Variants in FAM110B observed in about 807,000 individuals in gnomAD.
FAM110B encodes family with sequence similarity 110 member B.
A neutral mutation model predicts 20.4 loss-of-function variants in FAM110B; 6 were observed. The ratio of observed to expected loss-of-function variants is 0.29; its 90% CI spans 0.16 to 0.58. The LOEUF is 0.58. Among genes scored for constraint, FAM110B ranks in the 20% least tolerant of loss-of-function variants. FAM110B has a pLI of 0.90. For synonymous variants in FAM110B, 226 were observed against 214.1 expected, an observed-to-expected ratio of 1.06 and a Z score of -0.49; for missense variants, 434 against 498.2, an observed-to-expected ratio of 0.87 and a Z score of 1.23.
intron 1 of FAM110B, among the ~76,000 whole-genome samples, chr8:58,030,238 T>TAA (rs1396742772): frequency 1.3e-5 from 2 of 152,194 alleles, no homozygotes; most frequent in African/African-American, 2.4e-5. Flanking sequence ...TTTCAGGTAT[T>TAA]AAAGCAATAA....
At chr8:58,041,476 C>T (rs1805219449) in intron 2 of FAM110B, among the ~76,000 whole-genome samples, 1 of 152,156 alleles carries the variant, frequency 6.6e-6, no homozygotes, top group Non-Finnish European at 1.5e-5. Context: ...ATATTTTAGC[C>T]AACATATCAG....
At position 58,148,747 on chromosome 8, in the gene FAM110B, A is replaced by AG. The variant is rs1451370477; in HGVS notation, c.*1405dup. 3 of 167,132 alleles carry AG rather than the reference A, an allele frequency of 1.8e-5. No individual in the cohort carries two copies. Among genetic ancestry groups the AG allele is most frequent in the African/African-American group, 7.2e-5 (3 of 41,464 alleles). The allele number at this position is 167,132 out of a possible 1,614,324, so 10.4% of individuals were successfully genotyped here. On this transcript the variant is annotated 3_prime_UTR_variant, in exon 4 of 4. Coordinates refer to ENST00000519262, the MANE Select transcript of FAM110B (RefSeq NM_001377989.1). ...TGTTATGAAATCTTTAAAGAAAAAA[A>AG]GAAAAAGTTACGCTAATAAATTGCT...
At chr8:58,085,545 GATTTA>G (rs1203043090) in intron 3 of FAM110B, among the ~76,000 whole-genome samples, 1 of 152,120 alleles carries the variant, frequency 6.6e-6, no homozygotes, top group African/African-American at 2.4e-5. Flanking sequence ...TACACTTCTA[GATTTA>G]ATTTAAGATT....
At chr8:58,088,043 T>TG (rs749145978) in intron 3 of FAM110B, among the ~76,000 whole-genome samples, 13 of 152,206 alleles carry the variant, frequency 8.5e-5, no homozygotes, top group Non-Finnish European at 1.8e-4. Context: ...ACCTGATACC[T>TG]GGTTCCCACT....
At chr8:57,996,794 A>G (rs1804192601) in intron 1 of FAM110B, among the ~76,000 whole-genome samples, 2 of 152,220 alleles carry the variant, frequency 1.3e-5, no homozygotes, top group African/African-American at 4.8e-5. Flanking sequence ...CACAGTGTTA[A>G]AAGATGATAA....
intron 3 of FAM110B, among the ~76,000 whole-genome samples, chr8:58,128,524 T>G (rs753780352): frequency 3.9e-5 from 6 of 152,170 alleles, no homozygotes; most frequent in Admixed American, 6.5e-5. Context: ...ATTATTTAAA[T>G]TGTCCAGCCA....
chr8:58,057,912 T>C (rs530512224), intron 2 of FAM110B, among the ~76,000 whole-genome samples: 1 of 152,372 alleles, frequency 6.6e-6, no homozygotes, highest in East Asian at 1.9e-4. Flanking sequence ...GTTACTTTGC[T>C]TCCTCCTGCA....
In FAM110B at chr8:58,127,426, G is replaced by A. The variant is rs544506061; in HGVS notation, c.-324-18481G>A. Among the ~76,000 whole-genome samples, 17 of 152,142 alleles carry A rather than the reference G, an allele frequency of 1.1e-4. No homozygotes were observed. The South Asian group carries it at 3.1e-3, about 28-fold the overall frequency. Reference sequence around the variant, plus strand: ...TTTTAGCATAATCTTGCATAAGCTCGCAAATAACTGATGGGAGGTTTTGCT... The same window carrying A: ...TTTTAGCATAATCTTGCATAAGCTCACAAATAACTGATGGGAGGTTTTGCT... On this transcript the variant is annotated intron_variant, in intron 3 of 3. Transcript: ENST00000519262.
At chr8:58,083,118 T>C (rs1225238113) in intron 3 of FAM110B, among the ~76,000 whole-genome samples, 1 of 152,140 alleles carries the variant, frequency 6.6e-6, no homozygotes, top group Non-Finnish European at 1.5e-5. Flanking sequence ...ATCTTTTTGC[T>C]CACTGCCTCT....
chr8:58,110,948 A>ATC (rs1278814815), intron 3 of FAM110B, among the ~76,000 whole-genome samples: 1 of 152,192 alleles, frequency 6.6e-6, no homozygotes, highest in Non-Finnish European at 1.5e-5. Context: ...CAAACATAAA[A>ATC]TCTTCTAAAT....
intron 2 of FAM110B, among the ~76,000 whole-genome samples, chr8:58,037,657 C>T (rs575699086): frequency 2.0e-5 from 3 of 151,954 alleles, no homozygotes; most frequent in South Asian, 2.1e-4. Flanking sequence ...AAAAGTTTTC[C>T]GATTTAGGTT....
intron 3 of FAM110B, among the ~76,000 whole-genome samples, chr8:58,115,279 A>G (rs1008535076): frequency 8.5e-5 from 13 of 152,186 alleles, no homozygotes; most frequent in Admixed American, 5.9e-4. Flanking sequence ...CATCTTCCCC[A>G]GACAACGAAT....
At chr8:58,130,313 A>G (rs541454739) in intron 3 of FAM110B, among the ~76,000 whole-genome samples, 1 of 152,338 alleles carries the variant, frequency 6.6e-6, no homozygotes, top group South Asian at 2.1e-4. Context: ...AGTAGCTAAC[A>G]TATATTGCCG....
intron 3 of FAM110B, among the ~76,000 whole-genome samples, chr8:58,119,700 A>G (rs1297744379): frequency 6.6e-6 from 1 of 152,136 alleles, no homozygotes; most frequent in Non-Finnish European, 1.5e-5. Flanking sequence ...AGTTCTTCCC[A>G]CTGACCTGTC....
chr8:58,095,990 G>A (rs973442773), intron 3 of FAM110B, among the ~76,000 whole-genome samples: 4 of 152,132 alleles, frequency 2.6e-5, no homozygotes, highest in Non-Finnish European at 5.9e-5. Flanking sequence ...TTACCATTAT[G>A]TAGTGGCCTT....
chr8:58,073,394 A>G (rs973122750), intron 2 of FAM110B, among the ~76,000 whole-genome samples: 2 of 152,148 alleles, frequency 1.3e-5, no homozygotes, highest in African/African-American at 4.8e-5. Flanking sequence ...AGAACTTACT[A>G]TTTCCTGCCC....
chr8:58,014,003 A>G (rs1197289206), intron 1 of FAM110B, among the ~76,000 whole-genome samples: 2 of 152,136 alleles, frequency 1.3e-5, no homozygotes, highest in African/African-American at 4.8e-5. Flanking sequence ...TTGACTGTGC[A>G]CTAAGACGTG....
chr8:58,039,724 G>A (rs944992113), intron 2 of FAM110B, among the ~76,000 whole-genome samples: 1 of 152,082 alleles, frequency 6.6e-6, no homozygotes, highest in African/African-American at 2.4e-5. Flanking sequence ...CCCCTCTGGA[G>A]GTCACTTCTT....
chr8:58,111,428 A>C (rs916646379), intron 3 of FAM110B, among the ~76,000 whole-genome samples: 1 of 152,200 alleles, frequency 6.6e-6, no homozygotes. Flanking sequence ...AATACAAATA[A>C]TTGTGAGAGG....
Sources: gnomAD v4.1 joint callset for allele counts (sites outside exome capture counted in the v4.1 genomes callset) on GRCh38, gnomAD v4.1.1 for gene constraint, MANE v1.5 for transcripts, NCBI Gene and HGNC (gene_info 2026-07-23, HGNC 2026-07-21) for gene names.